Variants in CACNA2D3 observed in about 807,000 individuals in gnomAD.
The protein encoded by CACNA2D3 is voltage-dependent calcium channel subunit alpha-2/delta-3.
A neutral mutation model predicts 160.6 loss-of-function variants in CACNA2D3; 60 were observed. The observed-to-expected ratio is 0.37, with a 90% CI of 0.30 to 0.46. CACNA2D3 has a LOEUF of 0.46. Ranked by LOEUF, CACNA2D3 falls within the 20% of genes least tolerant of loss-of-function variation. The pLI, the probability that CACNA2D3 is intolerant of heterozygous loss-of-function variation, is 1.00. For synonymous variants in CACNA2D3, 558 were observed against 492.9 expected (o/e 1.13, Z -1.75); for missense variants, 1,205 against 1,365.0 (o/e 0.88, Z 1.85).
intron 3 of CACNA2D3, among the ~76,000 whole-genome samples, chr3:54,373,895 G>C (rs1017270749): frequency 2.0e-5 from 3 of 152,060 alleles, no homozygotes; most frequent in African/African-American, 7.2e-5. Flanking sequence ...CTCAATATAG[G>C]AATCTGGATG....
chr3:54,926,505 TACACACACAC>T (rs36205023), intron 27 of CACNA2D3, among the ~76,000 whole-genome samples: 33,824 of 143,246 alleles, frequency 0.24, 4,167 homozygotes, highest in African/African-American at 0.31. Flanking sequence ...GCCTGTCAAA[TACACACACAC>T]ACACACACAC....
chr3:55,003,045 G>A (rs976156459), intron 31 of CACNA2D3, among the ~76,000 whole-genome samples: 12 of 152,218 alleles, frequency 7.9e-5, no homozygotes, highest in South Asian at 6.2e-4. Context: ...GCTAGAGGTC[G>A]GTGTGAAACA....
Position 54,478,660 on chromosome 3 carries a change from G to GTGTATATATATATATATTGCTA in CACNA2D3, c.382-24831_382-24830insGTATATATATATATATTGCTAT. Among the ~76,000 whole-genome samples the GTGTATATATATATATATTGCTA allele has an allele frequency of 2.1e-3, 76 of 36,386 alleles. 12 individuals carry two copies. The highest frequency in any genetic ancestry group is 4.1e-3 in the African/African-American group (57 of 13,876). The allele number at this position is 36,386 out of a possible 152,430, so 23.9% of individuals were successfully genotyped here. ...AAAATATATATATAAATATGTGTGTGTATATATATATATATATATTGCTTG... is the reference window on the plus strand; with the variant it reads ...AAAATATATATATAAATATGTGTGTGTGTATATATATATATATTGCTATATATATATATATATATATTGCTTG... On this transcript the variant is annotated intron_variant, in intron 4 of 37. Transcript: ENST00000474759.
intron 2 of CACNA2D3, among the ~76,000 whole-genome samples, chr3:54,286,164 G>A (rs1488216892): frequency 6.6e-6 from 1 of 152,132 alleles, no homozygotes; most frequent in Non-Finnish European, 1.5e-5. Context: ...CAATGGCAAA[G>A]AAGTTAAAAA....
chr3:54,575,352 TTTTG>T (rs1194022807), intron 8 of CACNA2D3, among the ~76,000 whole-genome samples: 2 of 152,288 alleles, frequency 1.3e-5, no homozygotes, highest in Admixed American at 1.3e-4. Flanking sequence ...TTCCTTTACT[TTTTG>T]TTTATTTACC....
chr3:55,061,400 G>A (rs1226174999), intron 35 of CACNA2D3, among the ~76,000 whole-genome samples: 1 of 152,206 alleles, frequency 6.6e-6, no homozygotes, highest in Non-Finnish European at 1.5e-5. Flanking sequence ...CTAGGGCTCA[G>A]CTCCCTAAAG....
intron 2 of CACNA2D3, among the ~76,000 whole-genome samples, chr3:54,189,037 C>T (rs1576987952): frequency 6.6e-6 from 1 of 152,204 alleles, no homozygotes; most frequent in South Asian, 2.1e-4. Flanking sequence ...ATCTAAGCCT[C>T]AGGCACAACT....
At chr3:54,989,620 C>A (rs1182234226) in intron 31 of CACNA2D3, among the ~76,000 whole-genome samples, 1 of 152,194 alleles carries the variant, frequency 6.6e-6, no homozygotes, top group African/African-American at 2.4e-5. Flanking sequence ...GGTTTCTCTA[C>A]ATGGAAAATG....
intron 16 of CACNA2D3, among the ~76,000 whole-genome samples, chr3:54,844,366 G>T (rs1040920096): frequency 2.0e-5 from 3 of 152,170 alleles, no homozygotes; most frequent in African/African-American, 7.2e-5. Context: ...AATGCAGTGG[G>T]TTGAGGCATA....
At chr3:54,347,760 C>T (rs1698484894) in intron 3 of CACNA2D3, among the ~76,000 whole-genome samples, 1 of 152,026 alleles carries the variant, frequency 6.6e-6, no homozygotes, top group Non-Finnish European at 1.5e-5. Context: ...TTCCAGGCTC[C>T]TCTCAGTCCT....
At chr3:54,960,477 CTG>C (rs1702004946) in intron 27 of CACNA2D3, among the ~76,000 whole-genome samples, 1 of 152,162 alleles carries the variant, frequency 6.6e-6, no homozygotes, top group Non-Finnish European at 1.5e-5. Flanking sequence ...GTTTCTGCTG[CTG>C]TGAGAATTTT....
chr3:54,769,410 T>A (rs1009428654), intron 13 of CACNA2D3, among the ~76,000 whole-genome samples: 1 of 151,984 alleles, frequency 6.6e-6, no homozygotes, highest in African/African-American at 2.4e-5. Flanking sequence ...AGCTCTGGAT[T>A]TTTTTTTAAG....
intron 3 of CACNA2D3, among the ~76,000 whole-genome samples, chr3:54,371,856 A>G (rs1391518505): frequency 6.6e-6 from 1 of 152,222 alleles, no homozygotes; most frequent in East Asian, 1.9e-4. Flanking sequence ...TTTTAATAAC[A>G]TGTTTGGTGG....
chr3:54,614,859 C>CA (rs1464013376), intron 9 of CACNA2D3, among the ~76,000 whole-genome samples: 1 of 151,796 alleles, frequency 6.6e-6, no homozygotes, highest in African/African-American at 2.4e-5. Context: ...CACCACTCCC[C>CA]AAAAAAACAC....
chr3:54,775,667 A>G (rs1041018806), intron 13 of CACNA2D3, among the ~76,000 whole-genome samples: 11 of 152,214 alleles, frequency 7.2e-5, no homozygotes, highest in Admixed American at 3.9e-4. Context: ...CAAAAATCAA[A>G]TTGAGAAAGT....
intron 17 of CACNA2D3, among the ~76,000 whole-genome samples, chr3:54,855,902 C>A (rs1288640535): frequency 6.6e-6 from 1 of 152,214 alleles, no homozygotes; most frequent in Non-Finnish European, 1.5e-5. Context: ...TCTGACACCA[C>A]CTCCTGCTGC....
intron 16 of CACNA2D3, among the ~76,000 whole-genome samples, chr3:54,843,838 A>G (rs1215951656): frequency 6.6e-6 from 1 of 152,194 alleles, no homozygotes; most frequent in Non-Finnish European, 1.5e-5. Flanking sequence ...TGCAGTTTCT[A>G]ACTGGGGAGT....
At chr3:54,924,591 T>TG in intron 27 of CACNA2D3, 2 of 1,541,244 alleles carry the variant, frequency 1.3e-6, no homozygotes, top group South Asian at 1.1e-5. Context: ...AACACACAGA[T>TG]GGGGGGTTCC....
intron 27 of CACNA2D3, among the ~76,000 whole-genome samples, chr3:54,934,113 C>T (rs563395103): frequency 3.9e-5 from 6 of 152,256 alleles, no homozygotes; most frequent in South Asian, 2.1e-4. Flanking sequence ...AAAACAGGGA[C>T]GGAGAAGGTA....
Sources: gnomAD v4.1 joint callset for allele counts (sites outside exome capture counted in the v4.1 genomes callset) on GRCh38, gnomAD v4.1.1 for gene constraint, MANE v1.5 for transcripts, NCBI Gene and HGNC (gene_info 2026-07-23, HGNC 2026-07-21) for gene names.